Variants in YTHDF3 observed in about 807,000 individuals in gnomAD.
YTHDF3 encodes the protein YTH domain-containing family protein 3.
YTHDF3 carries 9 observed loss-of-function variants against 52.5 expected under a neutral mutation model. The observed-to-expected ratio is 0.17, with a 90% CI of 0.10 to 0.30. The LOEUF is 0.30. YTHDF3 is among the 10% of genes least tolerant of loss of function. The pLI is 1.00. For synonymous variants in YTHDF3, 274 were observed against 243.3 expected, an observed-to-expected ratio of 1.13 and a Z score of -1.18; for missense variants, 534 against 715.0, an observed-to-expected ratio of 0.75 and a Z score of 2.89.
chr8:63,172,198 G>A (rs1178565492), intron 2 of YTHDF3, among the ~76,000 whole-genome samples: 6 of 152,004 alleles, frequency 3.9e-5, no homozygotes, highest in Middle Eastern at 3.2e-3. Context: ...TTAACACTTC[G>A]TATTTTATTT....
chr8:63,202,896 A>T (rs142106622), intron 4 of YTHDF3, among the ~76,000 whole-genome samples: 182 of 152,246 alleles, frequency 1.2e-3, no homozygotes, highest in African/African-American at 4.1e-3. Context: ...GTTTATGAAC[A>T]TCGTCTTTTC....
chr8:63,175,480 C>T (rs1377345811), intron 3 of YTHDF3, 64 bp downstream of exon 3: 2 of 1,257,742 alleles, frequency 1.6e-6, no homozygotes, highest in Non-Finnish European at 2.3e-6. Flanking sequence ...GTTGATTTTT[C>T]AAATAGATTA....
chr8:63,173,711 A>G, intron 2 of YTHDF3: 8 of 984,904 alleles, frequency 8.1e-6, no homozygotes, highest in Non-Finnish European at 9.6e-6. Flanking sequence ...ACTGAAATGA[A>G]TAACCCAGCC....
At chr8:63,182,078 A>AT (rs201834047) in intron 3 of YTHDF3, among the ~76,000 whole-genome samples, 7,455 of 149,178 alleles carry the variant, frequency 0.05, 282 homozygotes, top group African/African-American at 0.1. Context: ...TTTTTTTTAA[A>AT]TTTTTTTTTT....
At chr8:63,180,646 G>A (rs1003827244) in intron 3 of YTHDF3, among the ~76,000 whole-genome samples, 5 of 152,208 alleles carry the variant, frequency 3.3e-5, no homozygotes, top group South Asian at 2.1e-4. Context: ...AGGTTGTAGC[G>A]AGCCGAGATC....
intron 4 of YTHDF3, among the ~76,000 whole-genome samples, chr8:63,201,311 G>A (rs1194029610): frequency 6.6e-6 from 1 of 152,110 alleles, no homozygotes; most frequent in Admixed American, 6.6e-5. Flanking sequence ...ATTGCTTGAG[G>A]CCAGGAGTTC....
At chr8:63,169,549 G>C in intron 2 of YTHDF3, 138 bp downstream of exon 2, 1 of 953,964 alleles carries the variant, frequency 1.0e-6, no homozygotes, top group Non-Finnish European at 1.6e-6. Flanking sequence ...TCATGGCTAA[G>C]GTAGCCAAGT....
intron 1 of YTHDF3, 134 bp downstream of exon 1, chr8:63,169,035 G>A (rs894044520): frequency 2.1e-6 from 3 of 1,445,302 alleles, no homozygotes; most frequent in Non-Finnish European, 9.0e-7. Context: ...TTGCTGCGGT[G>A]TAGCTACCCG....
chr8:63,194,311 C>T (rs912252854), intron 4 of YTHDF3, among the ~76,000 whole-genome samples: 1 of 151,676 alleles, frequency 6.6e-6, no homozygotes, highest in Non-Finnish European at 1.5e-5. Flanking sequence ...TGTTGAAACC[C>T]CTTTTCTACT....
At position 63,212,022 on chromosome 8, in the gene YTHDF3, T is replaced by G. The variant is rs901289570; in HGVS notation, c.*2316T>G. ...GTTGTCTCAAGCACAACCAACTGAA[T>G]GTCTCTTAACTGTGGGGACCAAAAG... On this transcript the variant is annotated 3_prime_UTR_variant, in exon 5 of 5. Transcript: ENST00000539294. The G allele has an allele frequency of 2.0e-5, 3 of 152,502 alleles. No homozygotes were observed. The highest frequency in any genetic ancestry group is 7.3e-5 in the African/African-American group (3 of 41,358). 9.4% of individuals were successfully genotyped at this position (152,502 alleles called of 1,614,324 possible). A position where few individuals can be genotyped will look rare whatever the true frequency, so the allele number is the denominator to read the frequency against.
chr8:63,186,764 A>T lies in YTHDF3; in HGVS notation c.753A>T (p.Lys251Asn). The change falls in exon 4 of 5, where the codon AAA (lysine) becomes AAT (asparagine). Residue 251 changes from lysine (K) to asparagine (N), a missense_variant. Lys to Asn is a moderately conservative substitution (Grantham distance 94, BLOSUM62 0). Transcript: ENST00000539294. ...IARKPAKPQP[K>N]LKPKGNVGIG... ...GAAAGCCTGCCAAACCTCAACCGAA[A>T]CTTAAACCCAAGGGCAATGTGGGAA... 6.2e-7 allele frequency: 1 copy of T among 1,613,950 alleles called. No homozygotes were observed. Among genetic ancestry groups the T allele is most frequent in the Non-Finnish European group, 8.5e-7 (1 of 1,179,878 alleles).
intron 4 of YTHDF3, among the ~76,000 whole-genome samples, chr8:63,191,510 C>T (rs1808910568): frequency 6.6e-6 from 1 of 152,142 alleles, no homozygotes; most frequent in Non-Finnish European, 1.5e-5. Context: ...TCCTAGAATT[C>T]ATCTTGATTT....
intron 3 of YTHDF3, among the ~76,000 whole-genome samples, chr8:63,185,903 C>T (rs1159279347): frequency 6.6e-6 from 1 of 152,088 alleles, no homozygotes; most frequent in Admixed American, 6.6e-5. Flanking sequence ...TCATTATACC[C>T]CCACTCTCAT....
rs1376217327 is a variant in YTHDF3 at position 63,173,242 on chromosome 8, C to CT, written c.50-2089_50-2088insT. Among the ~76,000 whole-genome samples the CT allele has an allele frequency of 1.3e-4, 14 of 103,972 alleles. No individual in the cohort carries two copies. The East Asian group carries it at 2.0e-3, about 15-fold the overall frequency. 68.2% of individuals were successfully genotyped at this position (103,972 alleles called of 152,430 possible). On this transcript the variant is annotated intron_variant, in intron 2 of 4. Coordinates refer to ENST00000539294, the MANE Select transcript of YTHDF3 (RefSeq NM_152758.6). The stretch of plus-strand genomic sequence containing the variant: ...GATAAATTTTAAGTAAGTACTTTTT[C>CT]CTTTTTTTTTTTTTAAATAGAGGCA...
intron 2 of YTHDF3, among the ~76,000 whole-genome samples, chr8:63,170,444 G>A (rs1364963006): frequency 1.3e-5 from 2 of 152,048 alleles, no homozygotes; most frequent in Non-Finnish European, 2.9e-5. Context: ...CCAGTTACAT[G>A]GCACCATATT....
At chr8:63,173,692 A>C in intron 2 of YTHDF3, 1 of 985,312 alleles carries the variant, frequency 1.0e-6, no homozygotes, top group Non-Finnish European at 1.2e-6. Context: ...GTATGTCAGA[A>C]TCTCTTGGAC....
intron 4 of YTHDF3, among the ~76,000 whole-genome samples, chr8:63,206,970 C>G (rs1460542443): frequency 6.6e-6 from 1 of 151,968 alleles, no homozygotes; most frequent in African/African-American, 2.4e-5. Flanking sequence ...CATTGTATAC[C>G]TTGGTAAAAT....
At chr8:63,169,257 G>C in intron 1 of YTHDF3, 130 bp from the exon 2 acceptor site, 4 of 1,333,032 alleles carry the variant, frequency 3.0e-6, no homozygotes, top group Non-Finnish European at 4.1e-6. Context: ...TGGCTGTGGA[G>C]GATATGGTGG....
rs757647498 is a variant in YTHDF3 at position 63,187,390 on chromosome 8, C to A, written c.1379C>A (p.Pro460Gln). The change falls in exon 4 of 5, where the codon CCA (proline) becomes CAA (glutamine). Residue 460 changes from proline to glutamine, a missense_variant. Pro to Gln is a moderately conservative substitution (Grantham distance 76, BLOSUM62 -1). Around this residue, in one of 3 missense-constraint regions of YTHDF3, gnomAD observed 135 missense variants for 214.2 expected, o/e 0.63. Coordinates refer to ENST00000539294, the MANE Select transcript of YTHDF3 (RefSeq NM_152758.6). Reference protein sequence around the residue: ...AAYRSLNGKGPLYLLFSVNGS... With the variant: ...AAYRSLNGKGQLYLLFSVNGS... Reference sequence around the variant, plus strand: ...TACCGTTCCCTGAATGGGAAAGGCCCACTCTATTTACTCTTCAGTGTGAAT... The same window carrying A: ...TACCGTTCCCTGAATGGGAAAGGCCAACTCTATTTACTCTTCAGTGTGAAT... 4 of 1,613,848 alleles carry A rather than the reference C, an allele frequency of 2.5e-6. No individual in the cohort carries two copies. Among genetic ancestry groups the A allele is most frequent in the Non-Finnish European group, 3.4e-6 (4 of 1,179,890 alleles).
Sources: allele counts gnomAD v4.1 joint callset (sites outside exome capture counted in the v4.1 genomes callset), GRCh38; gene constraint gnomAD v4.1.1; regional missense constraint gnomAD v4.1.1; transcripts MANE v1.5; gene names NCBI Gene and HGNC (gene_info 2026-07-23, HGNC 2026-07-21).